The following DIAPH2 variants were observed in gnomAD, a reference collection of about 807,000 sequenced individuals.
DIAPH2 encodes protein diaphanous homolog 2.
A neutral mutation model predicts 92.7 loss-of-function variants in DIAPH2; 35 were observed. The ratio of observed to expected loss-of-function variants is 0.38; its 90% CI spans 0.29 to 0.50. The LOEUF (loss-of-function observed/expected upper bound fraction) is 0.50. Among genes scored for constraint, DIAPH2 ranks in the 20% least tolerant of loss-of-function variants. The pLI is 0.94. For synonymous variants in DIAPH2, 301 were observed against 280.4 expected (o/e 1.07, Z -0.73); for missense variants, 701 against 819.5 (o/e 0.86, Z 1.77).
intron 1 of DIAPH2, among the ~76,000 whole-genome samples, chrX:96,727,759 A>G (rs1159647747): frequency 1.8e-5 from 2 of 111,769 alleles, no homozygotes; most frequent in Admixed American, 1.9e-4. Flanking sequence ...ACTGTTAGGG[A>G]ACTTGTTTTC....
intron 23 of DIAPH2, among the ~76,000 whole-genome samples, chrX:97,281,955 T>A (rs766738840): frequency 9.0e-6 from 1 of 110,959 alleles, no homozygotes; most frequent in East Asian, 2.9e-4. Flanking sequence ...AAGGCTGGGC[T>A]TTTCTAATGT....
In DIAPH2 at chrX:97,027,995, G is replaced by A. The variant is rs573173452; in HGVS notation, c.2051-44946G>A. The stretch of plus-strand genomic sequence containing the variant: ...TTTTTAATTTAAAAAGCTGTATTAT[G>A]TAAAATGCTGTGGCAATGTCATATA... On this transcript the variant is annotated intron_variant, in intron 17 of 26. Transcript: ENST00000324765. Among the ~76,000 whole-genome samples the A allele has an allele frequency of 8.9e-4, 100 of 112,274 alleles. No homozygotes were observed. In the South Asian group the frequency reaches 0.035, roughly 39 times the overall value.
At chrX:97,001,606 A>G (rs764182332) in intron 17 of DIAPH2, among the ~76,000 whole-genome samples, 13 of 111,645 alleles carry the variant, frequency 1.2e-4, no homozygotes, top group Non-Finnish European at 1.9e-4. Flanking sequence ...AGATCACGCC[A>G]CTGCACTCCA....
intron 20 of DIAPH2, among the ~76,000 whole-genome samples, chrX:97,109,590 A>G (rs770042337): frequency 4.7e-4 from 52 of 111,307 alleles, no homozygotes; most frequent in African/African-American, 1.6e-3. Flanking sequence ...TTCTTTAAGA[A>G]AAAGCTGTAT....
chrX:97,597,571 A>ATCC (rs765677760), intron 26 of DIAPH2, among the ~76,000 whole-genome samples: 12 of 111,573 alleles, frequency 1.1e-4, no homozygotes, highest in Non-Finnish European at 2.1e-4. Flanking sequence ...AGTCAGCATG[A>ATCC]TCCTCTGGGA....
chrX:97,585,720 A>G (rs2071475622), intron 26 of DIAPH2, among the ~76,000 whole-genome samples: 1 of 111,438 alleles, frequency 9.0e-6, no homozygotes, highest in South Asian at 3.8e-4. Flanking sequence ...ATCCAAGTGT[A>G]AGTTATATTC....
chrX:97,322,903 C>CTTTT (rs1160046333), intron 23 of DIAPH2, among the ~76,000 whole-genome samples: 1,639 of 76,846 alleles, frequency 0.021, 20 homozygotes, highest in Non-Finnish European at 0.033. Flanking sequence ...TATCCCAGTT[C>CTTTT]TTTTTTTTTT....
At chrX:97,496,168 C>CT (rs10632820) in intron 26 of DIAPH2, among the ~76,000 whole-genome samples, 25,145 of 53,852 alleles carry the variant, frequency 0.47, 6,290 homozygotes, top group Non-Finnish European at 0.54. Context: ...GAATTGGTAC[C>CT]TTTTTTTTTT....
chrX:97,509,070 G>A (rs1443447662), intron 26 of DIAPH2, among the ~76,000 whole-genome samples: 1 of 95,584 alleles, frequency 1.0e-5, no homozygotes, highest in Non-Finnish European at 2.2e-5. Context: ...TTTTTGAGAT[G>A]GAGTCTCGCT....
chrX:96,916,413 G>C, intron 7 of DIAPH2, 25 bp from the exon 8 acceptor site: 1 of 954,910 alleles, frequency 1.0e-6, no homozygotes, highest in Non-Finnish European at 1.4e-6. Flanking sequence ...CATTCTGAAT[G>C]AAGGTTTTTT....
At chrX:97,129,142 T>A (rs2067117057) in intron 21 of DIAPH2, among the ~76,000 whole-genome samples, 1 of 64,657 alleles carries the variant, frequency 1.5e-5, no homozygotes, top group Non-Finnish European at 3.0e-5. Flanking sequence ...TTTTCTTTTC[T>A]TTTCTTTCTT....
rs763781923 is a variant in DIAPH2, at chrX:97,187,281, C to CTTTTTTTTTTTTTTTTTTTTTTTTT, written c.2719+45510_2719+45511insTTTTTTTTTTTTTTTTTTTTTTTTT. ...AGGGATTGAAGACTAATTAAGTAGC[C>CTTTTTTTTTTTTTTTTTTTTTTTTT]TTTTTTTTTTTTTTTTTTTTTTTGC... On this transcript the variant is annotated intron_variant, in intron 22 of 26. Transcript: ENST00000324765. Among the ~76,000 whole-genome samples, 13 of 36,881 alleles carry CTTTTTTTTTTTTTTTTTTTTTTTTT rather than the reference C, an allele frequency of 3.5e-4. 3 individuals are homozygous for CTTTTTTTTTTTTTTTTTTTTTTTTT. The highest frequency in any genetic ancestry group is 8.3e-4 in the African/African-American group (8 of 9,667). The allele number at this position is 36,881 out of a possible 115,157, so 32.0% of individuals were successfully genotyped here. A position where few individuals can be genotyped will look rare whatever the true frequency, so the allele number is the denominator to read the frequency against.
chrX:96,755,044 T>A (rs1209311784), intron 3 of DIAPH2, among the ~76,000 whole-genome samples: 1 of 107,983 alleles, frequency 9.3e-6, no homozygotes, highest in Non-Finnish European at 1.9e-5. Context: ...GATTCAACAA[T>A]GCCAGAGCCT....
chrX:96,692,145 C>T (rs1183173973), intron 1 of DIAPH2, among the ~76,000 whole-genome samples: 2 of 111,802 alleles, frequency 1.8e-5, no homozygotes, highest in Non-Finnish European at 3.8e-5. Context: ...AATTTTCAAA[C>T]GTGCTAAAAA....
chrX:97,569,609 C>T lies in DIAPH2; in HGVS notation c.3242-29644C>T, dbSNP rs1207039095. Among the ~76,000 whole-genome samples the T allele has an allele frequency of 8.1e-5, 9 of 110,576 alleles. No homozygotes were observed. In the East Asian group the frequency reaches 8.5e-4, roughly 10 times the overall value. On this transcript the variant is annotated intron_variant, in intron 26 of 26. Transcript: ENST00000324765. The stretch of plus-strand genomic sequence containing the variant: ...CCATCAAAATGCAGATTATAGGATC[C>T]GGTGAACTTTTCCTTACCAAATAAC...
At chrX:97,068,984 C>T (rs771856951) in intron 17 of DIAPH2, among the ~76,000 whole-genome samples, 1 of 111,188 alleles carries the variant, frequency 9.0e-6, no homozygotes, top group African/African-American at 3.3e-5. Context: ...TTTCCTGAGA[C>T]GGAGTTTCTC....
At chrX:97,092,159 T>C (rs1308998599) in intron 19 of DIAPH2, among the ~76,000 whole-genome samples, 1 of 112,366 alleles carries the variant, frequency 8.9e-6, no homozygotes, top group Non-Finnish European at 1.9e-5. Flanking sequence ...GCTTTCTTTT[T>C]ATTTTTTTTC....
chrX:96,930,018 G>A (rs2065609191), intron 9 of DIAPH2, among the ~76,000 whole-genome samples: 1 of 109,910 alleles, frequency 9.1e-6, no homozygotes, highest in African/African-American at 3.3e-5. Context: ...AAATCAGAAG[G>A]TAAGAAAAGC....
intron 23 of DIAPH2, among the ~76,000 whole-genome samples, 185 bp downstream of exon 23, chrX:97,248,024 G>A (rs183411704): frequency 8.9e-6 from 1 of 111,736 alleles, no homozygotes; most frequent in African/African-American, 3.2e-5. Flanking sequence ...GTAGGCAAGG[G>A]AACAATTAGA....
Sources: allele counts gnomAD v4.1 joint callset (sites outside exome capture counted in the v4.1 genomes callset), GRCh38; gene constraint gnomAD v4.1.1; transcripts MANE v1.5; gene names NCBI Gene and HGNC (gene_info 2026-07-23, HGNC 2026-07-21).